Variants in C13orf46 observed in about 807,000 individuals in gnomAD.
C13orf46 encodes the protein uncharacterized protein C13orf46.
At chr13:113,966,178 T>C (rs1413719346) in intron 5 of C13orf46, among the ~76,000 whole-genome samples, 1 of 74,450 alleles carries the variant, frequency 1.3e-5, no homozygotes, top group Non-Finnish European at 2.4e-5. Flanking sequence ...ATGGTGATGA[T>C]GATGATGGTG....
At position 113,954,453 on chromosome 13, in the gene C13orf46, T is replaced by G. The variant is rs1411336082; in HGVS notation, c.*2320A>C. The G allele has an allele frequency of 2.6e-5, 4 of 152,436 alleles. No homozygotes were observed. The highest frequency in any genetic ancestry group is 5.9e-5 in the Non-Finnish European group (4 of 68,094). The allele number at this position is 152,436 out of a possible 1,614,324, so 9.4% of individuals were successfully genotyped here. A position where few individuals can be genotyped will look rare whatever the true frequency, so the allele number is the denominator to read the frequency against. ...CCCACACCCCTAGGAAGACTCCCTC[T>G]CCTCCTCTGAGTGGGGAGCATGTGG... is the stretch of plus-strand genomic sequence containing the variant. On this transcript the variant is annotated 3_prime_UTR_variant, in exon 7 of 7. Transcript: ENST00000636427.
In C13orf46 at chr13:113,955,230, G is replaced by T; in HGVS notation, c.*1543C>A. ...GAGACGAGGAGCATCCCGTGGAGACGAGGAGCATCTGGCGGAGACGAGGAG... is the reference window on the plus strand; with the variant it reads ...GAGACGAGGAGCATCCCGTGGAGACTAGGAGCATCTGGCGGAGACGAGGAG... On this transcript the variant is annotated 3_prime_UTR_variant, in exon 7 of 7. Coordinates refer to ENST00000636427, the MANE Select transcript of C13orf46 (RefSeq NM_001365455.2). The T allele has an allele frequency of 4.9e-6, 1 of 203,670 alleles. No homozygotes were observed. The highest frequency in any genetic ancestry group is 9.9e-6 in the Non-Finnish European group (1 of 100,612). 12.6% of individuals were successfully genotyped at this position (203,670 alleles called of 1,614,324 possible). A position where few individuals can be genotyped will look rare whatever the true frequency, so the allele number is the denominator to read the frequency against.
At chr13:113,945,569 GA>G in the C13orf46 span, among the ~76,000 whole-genome samples, 5 of 96,140 alleles carry the variant, frequency 5.2e-5, no homozygotes, top group Non-Finnish European at 7.1e-5. Flanking sequence ...AAGAAAGAAA[GA>G]AAGAAAGAGA....
chr13:113,965,233 A>C (rs1416076721), intron 5 of C13orf46, among the ~76,000 whole-genome samples: 2 of 152,180 alleles, frequency 1.3e-5, no homozygotes, highest in African/African-American at 2.4e-5. Flanking sequence ...CAACTGTGCC[A>C]CTGACTGGCC....
At chr13:113,957,351 T>C (rs2052545557) in intron 6 of C13orf46, among the ~76,000 whole-genome samples, 1 of 119,084 alleles carries the variant, frequency 8.4e-6, no homozygotes, top group African/African-American at 3.3e-5. Context: ...CCTGCACCTC[T>C]GCATGCACCC....
intron 2 of C13orf46, among the ~76,000 whole-genome samples, chr13:113,969,793 A>G (rs2052684986): frequency 1.3e-5 from 2 of 152,046 alleles, no homozygotes; most frequent in African/African-American, 4.8e-5. Context: ...CTAAAGGAGC[A>G]CTCGAGTTGT....
the C13orf46 span, among the ~76,000 whole-genome samples, chr13:113,937,364 C>T: frequency 2.6e-5 from 4 of 152,286 alleles, no homozygotes; most frequent in South Asian, 2.1e-4. Context: ...TCAAGCTTGC[C>T]GAGAAGGCAG....
chr13:113,952,395 AGG>A (rs2052492892), downstream of C13orf46, among the ~76,000 whole-genome samples: 25 of 149,948 alleles, frequency 1.7e-4, no homozygotes, highest in African/African-American at 5.9e-4. Flanking sequence ...CCGCCTGCCC[AGG>A]GCCGCTGTGT....
the C13orf46 span, among the ~76,000 whole-genome samples, chr13:113,940,074 C>A: frequency 6.6e-6 from 1 of 152,238 alleles, no homozygotes; most frequent in East Asian, 1.9e-4. Flanking sequence ...CCCCAAGAGG[C>A]TACCTGCCTG....
chr13:113,965,988 A>C (rs2052639396), intron 5 of C13orf46, among the ~76,000 whole-genome samples: 1 of 144,616 alleles, frequency 6.9e-6, no homozygotes, highest in Non-Finnish European at 1.5e-5. Flanking sequence ...TGATGGTGAC[A>C]GTGATAGTGG....
At chr13:113,930,750 A>C in the C13orf46 span, among the ~76,000 whole-genome samples, 3 of 152,218 alleles carry the variant, frequency 2.0e-5, no homozygotes, top group Non-Finnish European at 2.9e-5. Flanking sequence ...TGGGAGTATC[A>C]ACATCACCCA....
chr13:113,945,963 C>T, the C13orf46 span, among the ~76,000 whole-genome samples: 8 of 152,016 alleles, frequency 5.3e-5, no homozygotes, highest in African/African-American at 9.7e-5. Context: ...GTAAACCCAC[C>T]GCCGCCCGTT....
At chr13:113,963,350 A>G (rs1378975044) in intron 6 of C13orf46, among the ~76,000 whole-genome samples, 6 of 42,690 alleles carry the variant, frequency 1.4e-4, no homozygotes, top group African/African-American at 3.5e-4. Flanking sequence ...CCCCGTCCTC[A>G]GCCTCGGCCC....
chr13:113,966,437 TG>T (rs2052649205), intron 5 of C13orf46, among the ~76,000 whole-genome samples: 1 of 151,282 alleles, frequency 6.6e-6, no homozygotes, highest in Non-Finnish European at 1.5e-5. Context: ...ATGATGGTGA[TG>T]GTATTAATGG....
the C13orf46 span, among the ~76,000 whole-genome samples, chr13:113,945,595 A>AG: frequency 5.5e-3 from 617 of 113,184 alleles, 5 homozygotes; most frequent in Middle Eastern, 9.8e-3. Context: ...GAGAGAGAGA[A>AG]AGAAAGAAAG....
downstream of C13orf46, among the ~76,000 whole-genome samples, chr13:113,949,763 T>C (rs1373168638): frequency 6.6e-6 from 1 of 151,992 alleles, no homozygotes; most frequent in African/African-American, 2.4e-5. Flanking sequence ...ATCTGTGGAG[T>C]GGGGTCATCA....
chr13:113,934,205 TGGAGGCACCACGATGC>T, the C13orf46 span, among the ~76,000 whole-genome samples: 1 of 152,246 alleles, frequency 6.6e-6, no homozygotes, highest in Non-Finnish European at 1.5e-5. Flanking sequence ...TTGTGTGGTG[TGGAGGCACCACGATGC>T]GTCGGACACG....
At chr13:113,952,412 G>C (rs990320242), downstream of C13orf46, among the ~76,000 whole-genome samples, 1 of 152,086 alleles carries the variant, frequency 6.6e-6, no homozygotes, top group Non-Finnish European at 1.5e-5. Context: ...CTGTGTGGCC[G>C]CCGCTCCCGC....
chr13:113,955,948 G>A lies in C13orf46; in HGVS notation c.*825C>T, dbSNP rs1488187804. ...CTCGCGGAGACGAGGAGCATCTGGCGGAGACGAGGAGGAGCATCTGGCGGA... is the reference window on the plus strand; with the variant it reads ...CTCGCGGAGACGAGGAGCATCTGGCAGAGACGAGGAGGAGCATCTGGCGGA... On this transcript the variant is annotated 3_prime_UTR_variant, in exon 7 of 7. Coordinates refer to ENST00000636427, the MANE Select transcript of C13orf46 (RefSeq NM_001365455.2). The A allele has an allele frequency of 7.7e-5, 12 of 155,734 alleles. No individual in the cohort carries two copies. The highest frequency in any genetic ancestry group is 2.0e-4 in the Admixed American group (3 of 15,104). 9.6% of individuals were successfully genotyped at this position (155,734 alleles called of 1,614,324 possible).
Sources: allele counts gnomAD v4.1 joint callset (sites outside exome capture counted in the v4.1 genomes callset), GRCh38; gene constraint gnomAD v4.1.1; transcripts MANE v1.5; gene names NCBI Gene and HGNC (gene_info 2026-07-23, HGNC 2026-07-21).